Variants in HYCC2 observed in about 807,000 individuals in gnomAD.
HYCC2 encodes the protein hyccin 2.
the HYCC2 span, among the ~76,000 whole-genome samples, chr2:201,047,124 A>G: frequency 6.6e-6 from 1 of 152,174 alleles, no homozygotes; most frequent in Non-Finnish European, 1.5e-5. Flanking sequence ...TAATTAAATA[A>G]GCACTCTAGA....
chr2:201,041,236 C>A, the HYCC2 span, among the ~76,000 whole-genome samples: 2 of 152,100 alleles, frequency 1.3e-5, no homozygotes, highest in African/African-American at 4.8e-5. Flanking sequence ...GGGTGTGTGA[C>A]CTATACAAGG....
the HYCC2 span, chr2:201,063,612 G>C: frequency 4.4e-6 from 7 of 1,580,038 alleles, no homozygotes; most frequent in Non-Finnish European, 6.0e-6. Flanking sequence ...GGCCACAACT[G>C]TGAAGTTAGA....
chr2:201,034,228 G>T, the HYCC2 span, among the ~76,000 whole-genome samples: 1 of 152,084 alleles, frequency 6.6e-6, no homozygotes, highest in African/African-American at 2.4e-5. Flanking sequence ...TACTTTAAAA[G>T]ACAATATGAA....
the HYCC2 span, chr2:201,023,769 T>C: frequency 2.1e-6 from 1 of 479,720 alleles, no homozygotes; most frequent in East Asian, 3.3e-5. Flanking sequence ...TAGCCATTAT[T>C]CATATTAGTA....
chr2:201,029,636 G>A, the HYCC2 span, among the ~76,000 whole-genome samples: 2 of 152,272 alleles, frequency 1.3e-5, no homozygotes, highest in Middle Eastern at 3.4e-3. Flanking sequence ...GTAGGGACAA[G>A]GATGAAGCTG....
the HYCC2 span, among the ~76,000 whole-genome samples, chr2:201,041,534 A>C: frequency 6.6e-6 from 1 of 152,230 alleles, no homozygotes. Context: ...GCCTTTCTGA[A>C]CCACTTTATG....
At chr2:201,011,401 T>C in the HYCC2 span, 8 of 1,554,586 alleles carry the variant, frequency 5.1e-6, no homozygotes, top group Non-Finnish European at 7.0e-6. Flanking sequence ...CTTCATGGTA[T>C]ATTGAAGGCT....
At chr2:201,012,762 A>G in the HYCC2 span, among the ~76,000 whole-genome samples, 1 of 151,670 alleles carries the variant, frequency 6.6e-6, no homozygotes, top group African/African-American at 2.4e-5. Context: ...CTGGCCAACA[A>G]GATGAAACCC....
chr2:201,049,338 ATTCTTTTCTTTT>A, the HYCC2 span, among the ~76,000 whole-genome samples: 25 of 152,126 alleles, frequency 1.6e-4, no homozygotes, highest in Admixed American at 3.9e-4. Context: ...CACAATTTGA[ATTCTTTTCTTTT>A]TTCTTTTCTT....
At chr2:200,998,134 T>C in the HYCC2 span, among the ~76,000 whole-genome samples, 3 of 152,322 alleles carry the variant, frequency 2.0e-5, no homozygotes, top group East Asian at 5.8e-4. Flanking sequence ...TCCAAACTTA[T>C]CACAAGGTCC....
At chr2:201,022,086 C>T in the HYCC2 span, 1 of 1,289,690 alleles carries the variant, frequency 7.8e-7, no homozygotes, top group Non-Finnish European at 1.0e-6. Flanking sequence ...CACTCCAGTA[C>T]ACAGCAGAGG....
At chr2:201,028,762 T>G in the HYCC2 span, among the ~76,000 whole-genome samples, 1 of 152,334 alleles carries the variant, frequency 6.6e-6, no homozygotes, top group East Asian at 1.9e-4. Flanking sequence ...GATAGCCAAA[T>G]GTAGAAAGCT....
At chr2:201,057,331 C>G in the HYCC2 span, among the ~76,000 whole-genome samples, 1 of 152,168 alleles carries the variant, frequency 6.6e-6, no homozygotes, top group South Asian at 2.1e-4. Flanking sequence ...GAGCAGAAAT[C>G]ATTTCTGTAG....
the HYCC2 span, among the ~76,000 whole-genome samples, chr2:201,025,693 C>T: frequency 2.0e-5 from 3 of 151,992 alleles, no homozygotes; most frequent in East Asian, 1.9e-4. Flanking sequence ...AAACGAAGAT[C>T]CAAGTGGTTT....
At chr2:200,980,931 T>G in the HYCC2 span, 1 of 286,350 alleles carries the variant, frequency 3.5e-6, no homozygotes. Flanking sequence ...ATACACCATT[T>G]CCTCTAATGT....
the HYCC2 span, among the ~76,000 whole-genome samples, chr2:201,070,448 T>C: frequency 1.3e-5 from 2 of 151,846 alleles, no homozygotes; most frequent in Non-Finnish European, 1.5e-5. Context: ...ACGTCCGGAG[T>C]TCGAGACCAG....
chr2:201,045,172 C>T, the HYCC2 span, among the ~76,000 whole-genome samples: 808 of 152,182 alleles, frequency 5.3e-3, 8 homozygotes, highest in African/African-American at 0.019. Context: ...CTATATTGGA[C>T]GGCACAGATA....
the HYCC2 span, among the ~76,000 whole-genome samples, chr2:201,056,675 A>C: frequency 2.5e-5 from 3 of 121,498 alleles, no homozygotes; most frequent in African/African-American, 8.4e-5. Flanking sequence ...ACTCCATCTC[A>C]AAAAAAAAAA....
At chr2:200,989,043 CTGTTCCAAGGTCTAGA>C in the HYCC2 span, among the ~76,000 whole-genome samples, 1 of 152,316 alleles carries the variant, frequency 6.6e-6, no homozygotes, top group Non-Finnish European at 1.5e-5. Context: ...TTCCAGTGGG[CTGTTCCAAGGTCTAGA>C]TGTGAAGGAA....
Sources: allele counts gnomAD v4.1 joint callset (sites outside exome capture counted in the v4.1 genomes callset), GRCh38; gene constraint gnomAD v4.1.1; transcripts MANE v1.5; gene names NCBI Gene and HGNC (gene_info 2026-07-23, HGNC 2026-07-21).